NAV3: variants seen among roughly 807,000 people sequenced by gnomAD.
The protein encoded by NAV3 is pore membrane and/or filament interacting like protein 1.
In NAV3, 87 loss-of-function variants were observed where a neutral mutation model predicts 244.7. The observed-to-expected ratio is 0.36, with a 90% CI of 0.30 to 0.42. The LOEUF (loss-of-function observed/expected upper bound fraction) is 0.42. Ranked by LOEUF, NAV3 falls within the 20% of genes least tolerant of loss-of-function variation. The pLI, the probability that NAV3 is intolerant of heterozygous loss-of-function variation, is 1.00. For synonymous variants in NAV3, 1,126 were observed against 1,042.2 expected (o/e 1.08, Z -1.55); for missense variants, 2,663 against 2,893.3 (o/e 0.92, Z 1.83).
Position 77,692,625 on chromosome 12 carries a change from C to G in NAV3, c.72+120359C>G, listed in dbSNP as rs573457839. Among the ~76,000 whole-genome samples the G allele has an allele frequency of 1.2e-3, 179 of 152,158 alleles. 1 individual carries two copies. The highest frequency in any genetic ancestry group is 1.6e-3 in the Non-Finnish European group (106 of 67,986). ...ACTTAATAAAGGTGCTGAGCTGCTA[C>G]CAATGCCTAGAGTAAAGAAGCATGT... On this transcript the variant is annotated intron_variant, in intron 2 of 8. Transcript: ENST00000550042.
At chr12:77,684,603 A>T (rs1364390431) in intron 2 of NAV3, among the ~76,000 whole-genome samples, 1 of 152,076 alleles carries the variant, frequency 6.6e-6, no homozygotes, top group Non-Finnish European at 1.5e-5. Context: ...GATTACAGGC[A>T]TAAGCCACCA....
intron 34 of NAV3, 51 bp from the exon 35 acceptor site, chr12:78,197,196 T>G: frequency 1.5e-6 from 2 of 1,376,316 alleles, no homozygotes; most frequent in South Asian, 3.8e-5. Flanking sequence ...AACTGCTTCC[T>G]ATTAGTATAA....
At chr12:77,793,017 G>A (rs59934402) in intron 2 of NAV3, among the ~76,000 whole-genome samples, 1 of 152,104 alleles carries the variant, frequency 6.6e-6, no homozygotes, top group East Asian at 1.9e-4. Flanking sequence ...CACGTGCTTA[G>A]TTATCCCAGG....
At chr12:77,818,824 T>G (rs999237677) in intron 2 of NAV3, among the ~76,000 whole-genome samples, 1 of 152,162 alleles carries the variant, frequency 6.6e-6, no homozygotes, top group African/African-American at 2.4e-5. Flanking sequence ...AGATTTTCTT[T>G]TACTTATATA....
chr12:78,086,131 AG>A (rs1447018119), intron 12 of NAV3, among the ~76,000 whole-genome samples: 1 of 152,104 alleles, frequency 6.6e-6, no homozygotes, highest in Admixed American at 6.6e-5. Flanking sequence ...GATTGTTGAG[AG>A]GATTAAATTA....
chr12:77,889,933 A>G (rs1883736779), intron 1 of NAV3, among the ~76,000 whole-genome samples: 1 of 152,222 alleles, frequency 6.6e-6, no homozygotes, highest in African/African-American at 2.4e-5. Flanking sequence ...TACAGTAGTT[A>G]TCATTCTTGG....
At chr12:78,202,212 A>G (rs191639790) in intron 38 of NAV3, among the ~76,000 whole-genome samples, 1 of 152,200 alleles carries the variant, frequency 6.6e-6, no homozygotes, top group Non-Finnish European at 1.5e-5. Context: ...GGATCTTTCA[A>G]TGTTGATTAT....
intron 29 of NAV3, among the ~76,000 whole-genome samples, chr12:78,180,084 T>C (rs74542205): frequency 0.085 from 13,009 of 152,212 alleles, 663 homozygotes; most frequent in Non-Finnish European, 0.12. Context: ...ACAAAAGTAA[T>C]GAGGAAACTA....
At chr12:77,991,417 C>T (rs79126115) in intron 5 of NAV3, among the ~76,000 whole-genome samples, 1 of 151,942 alleles carries the variant, frequency 6.6e-6, no homozygotes, top group Non-Finnish European at 1.5e-5. Context: ...GAAGAAATTT[C>T]ATTATGTTTA....
At chr12:78,164,127 T>C (rs1275078221) in intron 23 of NAV3, among the ~76,000 whole-genome samples, 1 of 152,080 alleles carries the variant, frequency 6.6e-6, no homozygotes, top group East Asian at 1.9e-4. Flanking sequence ...GTGTTCAAAT[T>C]TACTAAAGCT....
At chr12:78,028,184 C>A (rs886668113) in intron 9 of NAV3, among the ~76,000 whole-genome samples, 1 of 152,054 alleles carries the variant, frequency 6.6e-6, no homozygotes, top group African/African-American at 2.4e-5. Context: ...ATGAAGATCT[C>A]AATTGTGTAT....
rs183889103 is a variant in NAV3, at chr12:77,974,073, G to A, written c.671+5371G>A. On this transcript the variant is annotated intron_variant, in intron 5 of 39. Transcript: ENST00000397909. ...GTGCACGTGCACACACTTTTGTTACGTTCTAACACTGGTGTTTCGGTTGTT... is the reference window on the plus strand; with the variant it reads ...GTGCACGTGCACACACTTTTGTTACATTCTAACACTGGTGTTTCGGTTGTT... Among the ~76,000 whole-genome samples the A allele has an allele frequency of 3.0e-3, 450 of 151,868 alleles. 4 individuals carry two copies. Among genetic ancestry groups the A allele is most frequent in the African/African-American group, 0.01 (419 of 41,462 alleles).
chr12:78,054,917 G>T (rs948166720), intron 11 of NAV3, among the ~76,000 whole-genome samples: 2 of 152,076 alleles, frequency 1.3e-5, no homozygotes, highest in South Asian at 2.1e-4. Flanking sequence ...GTTTGTCCAG[G>T]ATAGAGATCT....
In NAV3 at chr12:78,200,545, A is replaced by G. The variant is rs1959540889; in HGVS notation, c.6788A>G (p.Tyr2263Cys). Residue 2263 changes from tyrosine to cysteine, a missense_variant, in exon 38 of 40, where the codon TAT becomes TGT. Physicochemically the swap from Tyr to Cys is radical, Grantham distance 194. Transcript: ENST00000397909. ...GTATGGTTCATGGATCTCTGGAACT[A>G]TTCTTTAGTACCTTATATTCTGGAG... The part of the protein sequence containing the change: ...SRVWFMDLWN[Y>C]SLVPYILEAV... 6.2e-7 allele frequency: 1 copy of G among 1,601,564 alleles called. No individual in the cohort carries two copies. The highest frequency in any genetic ancestry group is 8.5e-7 in the Non-Finnish European group (1 of 1,173,136).
At chr12:78,141,162 G>T (rs1956595188) in intron 20 of NAV3, among the ~76,000 whole-genome samples, 1 of 152,112 alleles carries the variant, frequency 6.6e-6, no homozygotes, top group South Asian at 2.1e-4. Context: ...CAAGTGCTGG[G>T]ATTACAGGTG....
At chr12:77,707,123 T>C (rs1040044387) in intron 2 of NAV3, among the ~76,000 whole-genome samples, 6 of 151,630 alleles carry the variant, frequency 4.0e-5, no homozygotes, top group Admixed American at 1.3e-4. Flanking sequence ...GTTTGTTACA[T>C]ATGTATACAT....
intron 2 of NAV3, among the ~76,000 whole-genome samples, chr12:77,678,757 A>G (rs1874318105): frequency 6.6e-6 from 1 of 152,176 alleles, no homozygotes; most frequent in Non-Finnish European, 1.5e-5. Context: ...GTAAAAACTC[A>G]GGAGCATTAT....
intron 11 of NAV3, among the ~76,000 whole-genome samples, chr12:78,051,872 A>G (rs2137279036): frequency 6.6e-6 from 1 of 152,298 alleles, no homozygotes; most frequent in Non-Finnish European, 1.5e-5. Flanking sequence ...CTTTGAAGAT[A>G]TTGTTTTACT....
intron 2 of NAV3, among the ~76,000 whole-genome samples, chr12:77,735,860 T>C (rs1303254009): frequency 2.0e-5 from 3 of 152,172 alleles, no homozygotes; most frequent in Non-Finnish European, 4.4e-5. Context: ...AAATAAAACA[T>C]ATATTTAGAA....
Sources: gnomAD v4.1 joint callset for allele counts (sites outside exome capture counted in the v4.1 genomes callset) on GRCh38, gnomAD v4.1.1 for gene constraint, MANE v1.5 for transcripts, NCBI Gene and HGNC (gene_info 2026-07-23, HGNC 2026-07-21) for gene names.